The following PIK3CD variants were observed in gnomAD, a reference collection of about 807,000 sequenced individuals.
PIK3CD encodes phosphatidylinositol-4,5-bisphosphate 3-kinase catalytic subunit delta.
In PIK3CD, 20 loss-of-function variants were observed where a neutral mutation model predicts 122.9. The observed-to-expected ratio is 0.16, with a 90% confidence interval of 0.11 to 0.24. The LOEUF (loss-of-function observed/expected upper bound fraction) is 0.24, where lower values mean the gene tolerates loss of function less well. PIK3CD is among the 10% of genes least tolerant of loss of function. The pLI is 1.00. For synonymous variants in PIK3CD, 596 were observed against 593.4 expected (o/e 1.00, Z -0.06); for missense variants, 787 against 1,406.3 (o/e 0.56, Z 7.04).
At chr1:9,683,400 T>A (rs12093404) in intron 1 of PIK3CD, among the ~76,000 whole-genome samples, 7,626 of 149,918 alleles carry the variant, frequency 0.051, 595 homozygotes, top group African/African-American at 0.17. Context: ...ATCGCGCCAC[T>A]GCACTCCAGC....
At position 9,722,894 on chromosome 1, in the gene PIK3CD, C is replaced by G. The variant is rs530983082; in HGVS notation, c.2427-231C>G. 6.6e-6 allele frequency among the ~76,000 whole-genome samples: 1 copy of G among 152,310 alleles called. No homozygotes were observed. Among genetic ancestry groups the G allele is most frequent in the South Asian group, 2.1e-4 (1 of 4,828 alleles). On this transcript the variant is annotated intron_variant, in intron 19 of 23. Coordinates refer to ENST00000377346, the MANE Select transcript of PIK3CD (RefSeq NM_005026.5). This position sits in a 1 kb window ranked among gnomAD's most constrained non-coding sequence, Gnocchi z 7.6. ...AAGCAGTGGCGTCTTCTCCCAAGGC[C>G]TCTGTCTGGTTCTCTTCCAAGCAAA...
chr1:9,660,579 G>A (rs1389467538), intron 1 of PIK3CD, among the ~76,000 whole-genome samples: 1 of 152,106 alleles, frequency 6.6e-6, no homozygotes, highest in Non-Finnish European at 1.5e-5. Context: ...AAGAATTATA[G>A]TCATACCATC....
chr1:9,635,118 C>T, the PIK3CD span, among the ~76,000 whole-genome samples: 1 of 152,002 alleles, frequency 6.6e-6, no homozygotes, highest in Non-Finnish European at 1.5e-5. Context: ...ATAGTGAAAC[C>T]CCCTCTCTTA....
chr1:9,685,846 C>T (rs1645946169), intron 1 of PIK3CD, among the ~76,000 whole-genome samples: 1 of 152,140 alleles, frequency 6.6e-6, no homozygotes. Flanking sequence ...CGCCCTCAGT[C>T]GTGCCTGGCT....
intron 3 of PIK3CD, among the ~76,000 whole-genome samples, chr1:9,712,504 C>T (rs1309403883): frequency 6.6e-6 from 1 of 152,096 alleles, no homozygotes; most frequent in Non-Finnish European, 1.5e-5. Context: ...TGGTCTCGAA[C>T]TCCTGACCTC....
chr1:9,722,669 T>C lies in PIK3CD; in HGVS notation c.2426+63T>C, dbSNP rs1648871484. ...TGCCCAGCCTGGGAGTCTGTGCCCC[T>C]GGAGGGGTCCTTGTTGAAGGTGGCA... On this transcript the variant is annotated intron_variant, in intron 19 of 23. Transcript: ENST00000377346. The surrounding 1 kb of genome is among the most constrained non-coding windows in gnomAD (Gnocchi z 7.6). 15 of 1,359,296 alleles carry C rather than the reference T, an allele frequency of 1.1e-5. No individual in the cohort carries two copies. The East Asian group carries it at 3.4e-4, about 31-fold the overall frequency. The allele number at this position is 1,359,296 out of a possible 1,614,324, so 84.2% of individuals were successfully genotyped here.
intron 1 of PIK3CD, among the ~76,000 whole-genome samples, chr1:9,663,377 A>G (rs956836612): frequency 4.6e-5 from 7 of 152,134 alleles, no homozygotes; most frequent in Non-Finnish European, 8.8e-5. Flanking sequence ...GCGGAGGAAC[A>G]TGCTAGATCC....
intron 2 of PIK3CD, among the ~76,000 whole-genome samples, chr1:9,696,408 G>A (rs979827740): frequency 2.0e-5 from 3 of 151,588 alleles, no homozygotes; most frequent in African/African-American, 7.3e-5. Context: ...GCAACATAGT[G>A]AGACCCCATC....
chr1:9,718,110 A>G lies in PIK3CD; in HGVS notation c.1020+484A>G. ...CGCTCCATCGCAACAGCCTGCAGTC[A>G]TGGGCTTTATTGTCCTGTTTGCTGG... On this transcript the variant is annotated intron_variant, in intron 8 of 23. Transcript: ENST00000377346. The surrounding 1 kb of genome is among the most constrained non-coding windows in gnomAD (Gnocchi z 7.2). 1 of 464,442 alleles carries G rather than the reference A, an allele frequency of 2.2e-6. No homozygotes were observed. Among genetic ancestry groups the G allele is most frequent in the Non-Finnish European group, 4.3e-6 (1 of 232,722 alleles). 28.8% of individuals were successfully genotyped at this position (464,442 alleles called of 1,614,324 possible).
chr1:9,642,656 G>A, the PIK3CD span, among the ~76,000 whole-genome samples: 52 of 150,190 alleles, frequency 3.5e-4, no homozygotes, highest in African/African-American at 1.2e-3. Context: ...GGCGGAGCTC[G>A]CAATGAGCTG....
chr1:9,727,457 C>T lies in PIK3CD; in HGVS notation c.*411C>T, dbSNP rs963330293. 2 of 387,542 alleles carry T rather than the reference C, an allele frequency of 5.2e-6. No homozygotes were observed. The highest frequency in any genetic ancestry group is 2.0e-5 in the African/African-American group (1 of 48,860). 24.0% of individuals were successfully genotyped at this position (387,542 alleles called of 1,614,324 possible). A position where few individuals can be genotyped will look rare whatever the true frequency, so the allele number is the denominator to read the frequency against. On this transcript the variant is annotated 3_prime_UTR_variant, in exon 24 of 24. Transcript: ENST00000377346. ...CTGTCCGACAGGATGCCTTGATCCTCGTGCGACCCACCCTGTGTATCCTCC... is the reference window on the plus strand; with the variant it reads ...CTGTCCGACAGGATGCCTTGATCCTTGTGCGACCCACCCTGTGTATCCTCC...
intron 1 of PIK3CD, among the ~76,000 whole-genome samples, chr1:9,687,903 T>TCTCTCTC (rs1475151360): frequency 2.6e-4 from 39 of 151,808 alleles, no homozygotes; most frequent in African/African-American, 9.4e-4. Flanking sequence ...CTCCCTCTCT[T>TCTCTCTC]CTCTCTCCTC....
At chr1:9,716,862 G>A in intron 6 of PIK3CD, 97 bp from the exon 7 acceptor site, 1 of 1,541,068 alleles carries the variant, frequency 6.5e-7, no homozygotes, top group Non-Finnish European at 9.0e-7. Flanking sequence ...CAAGGCCTAG[G>A]ACAGGCAGTG....
At chr1:9,711,980 T>C (rs902903834) in intron 3 of PIK3CD, among the ~76,000 whole-genome samples, 1 of 151,222 alleles carries the variant, frequency 6.6e-6, no homozygotes, top group Non-Finnish European at 1.5e-5. Flanking sequence ...CGCTGCAAGC[T>C]CCACCTCCCA....
intron 1 of PIK3CD, among the ~76,000 whole-genome samples, chr1:9,662,107 G>A (rs1025040082): frequency 6.6e-6 from 1 of 152,198 alleles, no homozygotes; most frequent in Non-Finnish European, 1.5e-5. Flanking sequence ...GGAGGTTGCA[G>A]TGAGCCGAGA....
the PIK3CD span, among the ~76,000 whole-genome samples, chr1:9,638,816 C>A: frequency 2.7e-5 from 4 of 147,774 alleles, no homozygotes; most frequent in African/African-American, 1.0e-4. Context: ...TGCTCTGTCG[C>A]CCAGGCTGGA....
At chr1:9,654,308 C>A (rs768170088) in intron 1 of PIK3CD, 1 of 1,367,772 alleles carries the variant, frequency 7.3e-7, no homozygotes, top group East Asian at 4.5e-5. Flanking sequence ...TCAGTCCACG[C>A]CGCCAGGTCT....
At chr1:9,645,179 C>T in the PIK3CD span, among the ~76,000 whole-genome samples, 1 of 151,888 alleles carries the variant, frequency 6.6e-6, no homozygotes, top group Admixed American at 6.6e-5. Flanking sequence ...CACCACCACA[C>T]CTGGCTAATT....
chr1:9,666,446 T>C (rs1645163395), intron 1 of PIK3CD, among the ~76,000 whole-genome samples: 1 of 151,754 alleles, frequency 6.6e-6, no homozygotes, highest in Non-Finnish European at 1.5e-5. Context: ...TTGGCCAGGC[T>C]GGTCTTGAAC....
Sources: gnomAD v4.1 joint callset for allele counts (sites outside exome capture counted in the v4.1 genomes callset) on GRCh38, gnomAD v4.1.1 for gene constraint, Gnocchi (gnomAD v3.1) non-coding constraint, MANE v1.5 for transcripts, NCBI Gene and HGNC (gene_info 2026-07-23, HGNC 2026-07-21) for gene names.